Variants in CBLB observed in about 807,000 individuals in gnomAD.
CBLB encodes E3 ubiquitin-protein ligase CBL-B.
In CBLB, 31 loss-of-function variants were observed where a neutral mutation model predicts 104.9. The observed-to-expected ratio is 0.30, with a 90% CI of 0.22 to 0.40. The LOEUF is 0.40. Ranked by LOEUF, CBLB falls within the 10% of genes least tolerant of loss-of-function variation. The pLI, the probability that CBLB is intolerant of heterozygous loss-of-function variation, is 1.00. For synonymous variants in CBLB, 440 were observed against 422.6 expected, an observed-to-expected ratio of 1.04 and a Z score of -0.51; for missense variants, 1,062 against 1,214.6, an observed-to-expected ratio of 0.87 and a Z score of 1.87.
chr3:105,859,415 G>A (rs1320069923), intron 2 of CBLB, among the ~76,000 whole-genome samples: 5 of 152,162 alleles, frequency 3.3e-5, no homozygotes, highest in African/African-American at 9.7e-5. Context: ...ACTTTGGGAG[G>A]CCGAGGCGAG....
intron 10 of CBLB, among the ~76,000 whole-genome samples, chr3:105,707,050 T>C (rs2070259748): frequency 6.6e-6 from 1 of 152,214 alleles, no homozygotes. Context: ...AGTAAATTTC[T>C]AGCATGTTTA....
At chr3:105,779,240 G>A (rs1214015697) in intron 3 of CBLB, among the ~76,000 whole-genome samples, 1 of 152,132 alleles carries the variant, frequency 6.6e-6, no homozygotes, top group Non-Finnish European at 1.5e-5. Flanking sequence ...CTGATCCACT[G>A]GCTATGCAGA....
intron 3 of CBLB, among the ~76,000 whole-genome samples, chr3:105,826,263 A>G (rs2086567779): frequency 6.6e-6 from 1 of 152,218 alleles, no homozygotes; most frequent in African/African-American, 2.4e-5. Context: ...CCACATACAC[A>G]AAATGCTCTA....
intron 3 of CBLB, among the ~76,000 whole-genome samples, chr3:105,801,786 C>T (rs554749354): frequency 6.6e-6 from 1 of 152,312 alleles, no homozygotes; most frequent in East Asian, 1.9e-4. Context: ...TGTTAAAACT[C>T]CTTGGGATAA....
At chr3:105,783,875 G>A (rs917836040) in intron 3 of CBLB, among the ~76,000 whole-genome samples, 5 of 152,238 alleles carry the variant, frequency 3.3e-5, no homozygotes, top group East Asian at 1.9e-4. Flanking sequence ...AAACCTCCTG[G>A]AATTGTAACA....
chr3:105,737,377 A>G lies in CBLB; in HGVS notation c.984-119T>C, dbSNP rs146376905. 1.9e-3 allele frequency: 1,004 copies of G among 533,560 alleles called. 14 individuals are homozygous for G. The East Asian group carries it at 0.025, about 13-fold the overall frequency. The allele number at this position is 533,560 out of a possible 1,614,324, so 33.1% of individuals were successfully genotyped here. ...TTTGGATGTTTCCTTTTCATGTAACATATCAATAACATATTACTTCAATGT... is the reference window on the plus strand; with the variant it reads ...TTTGGATGTTTCCTTTTCATGTAACGTATCAATAACATATTACTTCAATGT... On this transcript the variant is annotated intron_variant, in intron 7 of 18. Transcript: ENST00000394030.
chr3:105,720,856 C>T (rs2072713038), intron 9 of CBLB, among the ~76,000 whole-genome samples: 1 of 152,162 alleles, frequency 6.6e-6, no homozygotes, highest in Non-Finnish European at 1.5e-5. Flanking sequence ...ATATAAAGTT[C>T]TCTGTGAGAT....
At chr3:105,659,950 C>A (rs1359590977) in intron 18 of CBLB, among the ~76,000 whole-genome samples, 2 of 152,040 alleles carry the variant, frequency 1.3e-5, no homozygotes, top group African/African-American at 4.8e-5. Context: ...AAAAAGCAAA[C>A]CTAGAAGAAA....
intron 3 of CBLB, among the ~76,000 whole-genome samples, chr3:105,834,123 T>C (rs190397228): frequency 6.6e-6 from 1 of 152,216 alleles, no homozygotes; most frequent in African/African-American, 2.4e-5. Flanking sequence ...TGAAGAGCTA[T>C]TGGTCAAAGG....
At chr3:105,839,826 G>C (rs1409418818) in intron 3 of CBLB, among the ~76,000 whole-genome samples, 1 of 152,176 alleles carries the variant, frequency 6.6e-6, no homozygotes, top group Non-Finnish European at 1.5e-5. Flanking sequence ...CAACTTCAAA[G>C]TTTCAGTTGC....
chr3:105,738,801 C>T (rs2075231253), intron 7 of CBLB, among the ~76,000 whole-genome samples: 1 of 151,996 alleles, frequency 6.6e-6, no homozygotes, highest in African/African-American at 2.4e-5. Context: ...CCGACACTAG[C>T]AAATTTATGA....
chr3:105,669,065 A>AATCCATCCATCC (rs140483751), intron 18 of CBLB, among the ~76,000 whole-genome samples: 4,676 of 149,920 alleles, frequency 0.031, 125 homozygotes, highest in African/African-American at 0.067. Flanking sequence ...TGTCCACTCA[A>AATCCATCCATCC]ATCCATCCAT....
At chr3:105,795,783 G>T (rs562803654) in intron 3 of CBLB, among the ~76,000 whole-genome samples, 2 of 152,008 alleles carry the variant, frequency 1.3e-5, no homozygotes, top group East Asian at 3.9e-4. Context: ...TTGCTCTGTC[G>T]CCCAGGCTGG....
intron 3 of CBLB, among the ~76,000 whole-genome samples, chr3:105,835,524 G>C (rs1420664481): frequency 3.3e-5 from 5 of 152,070 alleles, no homozygotes; most frequent in African/African-American, 1.2e-4. Context: ...AAATTAAACA[G>C]AAAAATTATT....
intron 10 of CBLB, among the ~76,000 whole-genome samples, chr3:105,714,343 C>T (rs1240019811): frequency 6.6e-6 from 1 of 152,064 alleles, no homozygotes; most frequent in Non-Finnish European, 1.5e-5. Context: ...ATTTATTATG[C>T]ACATTATTTC....
At chr3:105,681,867 T>G (rs1269016627) in intron 14 of CBLB, 49 bp from the exon 15 acceptor site, 1 of 1,069,928 alleles carries the variant, frequency 9.3e-7, no homozygotes, top group Non-Finnish European at 1.4e-6. Context: ...ACTTTCCAAT[T>G]AAAAGTAACT....
chr3:105,749,738 T>C (rs113084411), intron 5 of CBLB: 2 of 322,438 alleles, frequency 6.2e-6, no homozygotes, highest in Non-Finnish European at 6.2e-6. Context: ...GTTAAATAAA[T>C]AAGATATTCT....
Position 105,751,491 on chromosome 3 carries a change from C to G in CBLB, c.694G>C (p.Glu232Gln). ...LTCNDYISVF[E>Q]FDIFTRLFQP... ...AACAGCCTGGTAAAAATATCAAATT[C>G]AAAAACTGAAATGTAATCATTGCAA... The change falls in exon 5 of 19, where the codon GAA (glutamate) becomes CAA (glutamine). Residue 232 changes from glutamate to glutamine, a missense_variant. By Grantham distance (29) the Glu-to-Gln change is conservative. Coordinates refer to ENST00000394030, the MANE Select transcript of CBLB (RefSeq NM_170662.5). The G allele has an allele frequency of 1.2e-6, 2 of 1,611,422 alleles. No individual in the cohort carries two copies. Among genetic ancestry groups the G allele is most frequent in the Non-Finnish European group, 1.7e-6 (2 of 1,177,818 alleles).
chr3:105,761,511 G>A (rs1030454327), intron 4 of CBLB, among the ~76,000 whole-genome samples: 1 of 152,150 alleles, frequency 6.6e-6, no homozygotes, highest in Non-Finnish European at 1.5e-5. Flanking sequence ...CATGAGATCT[G>A]AGGGTTTTAT....
Sources: allele counts gnomAD v4.1 joint callset (sites outside exome capture counted in the v4.1 genomes callset), GRCh38; gene constraint gnomAD v4.1.1; transcripts MANE v1.5; gene names NCBI Gene and HGNC (gene_info 2026-07-23, HGNC 2026-07-21).